TNFRSF11B: variants seen among roughly 807,000 people sequenced by gnomAD.
The protein encoded by TNFRSF11B is TNF receptor superfamily member 11b.
Under a neutral mutation model 43.4 loss-of-function variants are expected in TNFRSF11B, and 16 were observed. The ratio of observed to expected loss-of-function variants is 0.37; its 90% confidence interval spans 0.25 to 0.56. The LOEUF is 0.56. Ranked by LOEUF, TNFRSF11B falls within the 20% of genes least tolerant of loss-of-function variation. TNFRSF11B has a pLI of 0.80. For missense variants in TNFRSF11B, 444 were observed against 490.1 expected (o/e 0.91, Z 0.89); for synonymous variants, 185 against 181.8 (o/e 1.02, Z -0.14).
chr8:118,929,723 T>G (rs1212864933), intron 2 of TNFRSF11B, among the ~76,000 whole-genome samples: 1 of 152,164 alleles, frequency 6.6e-6, no homozygotes, highest in Non-Finnish European at 1.5e-5. Flanking sequence ...ATAAATACCT[T>G]CAAACACTTG....
intron 1 of TNFRSF11B, 85 bp from the exon 2 acceptor site, chr8:118,933,385 G>A: frequency 6.3e-7 from 1 of 1,580,382 alleles, no homozygotes; most frequent in Non-Finnish European, 8.6e-7. Flanking sequence ...TTGACTCAAA[G>A]TCCTGTATTA....
intron 2 of TNFRSF11B, among the ~76,000 whole-genome samples, chr8:118,931,542 C>T (rs904169528): frequency 1.3e-5 from 2 of 152,072 alleles, no homozygotes; most frequent in African/African-American, 4.8e-5. Context: ...GATTCCACAC[C>T]CCGCACCCTG....
chr8:118,942,744 T>C (rs1812505370), intron 1 of TNFRSF11B, among the ~76,000 whole-genome samples: 1 of 152,114 alleles, frequency 6.6e-6, no homozygotes, highest in South Asian at 2.1e-4. Flanking sequence ...TTTTCAAAGG[T>C]GTCAGAGCTA....
chr8:118,932,172 A>T (rs565177547), intron 2 of TNFRSF11B, among the ~76,000 whole-genome samples: 2 of 152,374 alleles, frequency 1.3e-5, no homozygotes, highest in South Asian at 4.1e-4. Flanking sequence ...ATGAAAAGTT[A>T]TAGGCTGCAC....
chr8:118,933,799 T>A (rs1812363859), intron 1 of TNFRSF11B, among the ~76,000 whole-genome samples: 1 of 152,196 alleles, frequency 6.6e-6, no homozygotes. Flanking sequence ...TTCTGACGCC[T>A]GGGATGCATA....
At position 118,932,959 on chromosome 8, in the gene TNFRSF11B, G is replaced by A; in HGVS notation, c.372C>T (p.Cys124=). ...EIEFCLKHRS[C]PPGFGVVQAG... Reference sequence around the variant, plus strand: ...CTTGCACCACTCCAAATCCAGGAGGGCAGCTCCTATGTTTCAAGCAGAACT... The same window carrying A: ...CTTGCACCACTCCAAATCCAGGAGGACAGCTCCTATGTTTCAAGCAGAACT... The change falls in exon 2 of 5, where the codon TGC becomes TGT. Residue 124 remains cysteine, a synonymous_variant. Transcript: ENST00000297350. 1 of 1,614,168 alleles carries A rather than the reference G, an allele frequency of 6.2e-7. No individual in the cohort carries two copies. Among genetic ancestry groups the A allele is most frequent in the Non-Finnish European group, 8.5e-7 (1 of 1,180,032 alleles).
At chr8:118,937,357 C>T (rs1430748501) in intron 1 of TNFRSF11B, among the ~76,000 whole-genome samples, 1 of 152,186 alleles carries the variant, frequency 6.6e-6, no homozygotes, top group African/African-American at 2.4e-5. Context: ...TGGAACCCCT[C>T]TTTATAGCAG....
At chr8:118,928,954 G>C (rs1364674490) in intron 2 of TNFRSF11B, 25 bp from the exon 3 acceptor site, 5 of 1,609,898 alleles carry the variant, frequency 3.1e-6, no homozygotes, top group African/African-American at 1.3e-5. Flanking sequence ...AAGCAATTTA[G>C]TACCTTCTCC....
intron 1 of TNFRSF11B, among the ~76,000 whole-genome samples, chr8:118,944,680 CTCTG>C (rs1324404101): frequency 8.6e-5 from 13 of 152,024 alleles, no homozygotes; most frequent in South Asian, 6.2e-4. Flanking sequence ...GTGCAGAGGT[CTCTG>C]TCTATCAGCC....
chr8:118,942,479 G>A (rs1214614563), intron 1 of TNFRSF11B, among the ~76,000 whole-genome samples: 1 of 151,918 alleles, frequency 6.6e-6, no homozygotes, highest in East Asian at 1.9e-4. Context: ...TAGAAGAAAT[G>A]GACTAAAACA....
chr8:118,946,278 A>G (rs184630656), intron 1 of TNFRSF11B, among the ~76,000 whole-genome samples: 9 of 152,250 alleles, frequency 5.9e-5, no homozygotes, highest in Admixed American at 3.3e-4. Flanking sequence ...CAGAACGTTC[A>G]TTTAGAGAGG....
intron 1 of TNFRSF11B, among the ~76,000 whole-genome samples, chr8:118,936,313 A>T (rs144852496): frequency 2.1e-4 from 32 of 152,364 alleles, no homozygotes; most frequent in African/African-American, 7.5e-4. Flanking sequence ...GAGAAATTAC[A>T]AACTTGTTTT....
chr8:118,936,262 C>T (rs948986271), intron 1 of TNFRSF11B, among the ~76,000 whole-genome samples: 8 of 152,092 alleles, frequency 5.3e-5, no homozygotes, highest in African/African-American at 9.7e-5. Context: ...AAGGCTATCA[C>T]GTGGAATAAT....
Position 118,933,258 on chromosome 8 carries a change from G to C in TNFRSF11B, c.73C>G (p.Pro25Ala). Reference sequence around the variant, plus strand: ...TCGTCATAATGAAGGTACTTTGGAGGAAACGTTTCCTGGGTGGTCCACTTA... The same window carrying C: ...TCGTCATAATGAAGGTACTTTGGAGCAAACGTTTCCTGGGTGGTCCACTTA... Reference protein sequence around the residue: ...SIKWTTQETFPPKYLHYDEET... With the variant: ...SIKWTTQETFAPKYLHYDEET... Residue 25 changes from proline to alanine, a missense_variant, in exon 2 of 5, where the codon CCT becomes GCT. Coordinates refer to ENST00000297350, the MANE Select transcript of TNFRSF11B (RefSeq NM_002546.4). The C allele has an allele frequency of 6.2e-7, 1 of 1,614,080 alleles. No homozygotes were observed.
chr8:118,937,229 TTTTC>T (rs1474421555), intron 1 of TNFRSF11B, among the ~76,000 whole-genome samples: 1 of 152,238 alleles, frequency 6.6e-6, no homozygotes, highest in Non-Finnish European at 1.5e-5. Context: ...CTCTAATGCC[TTTTC>T]TAGCTCTATC....
chr8:118,929,012 C>A, intron 2 of TNFRSF11B, 83 bp from the exon 3 acceptor site: 1 of 1,326,762 alleles, frequency 7.5e-7, no homozygotes, highest in African/African-American at 1.4e-5. Context: ...TTTGGAAAGA[C>A]TTTTCACTTG....
At chr8:118,927,235 A>AC (rs1420165768) in intron 3 of TNFRSF11B, among the ~76,000 whole-genome samples, 1 of 152,222 alleles carries the variant, frequency 6.6e-6, no homozygotes, top group Admixed American at 6.5e-5. Context: ...TAGGAAAATA[A>AC]CCAAACATAA....
intron 4 of TNFRSF11B, among the ~76,000 whole-genome samples, chr8:118,925,258 C>T (rs576580640): frequency 1.0e-3 from 152 of 152,186 alleles, no homozygotes; most frequent in Non-Finnish European, 2.0e-3. Context: ...GACATGAGGT[C>T]GAGGAACTAA....
chr8:118,942,200 T>C (rs989194138), intron 1 of TNFRSF11B, among the ~76,000 whole-genome samples: 4 of 149,354 alleles, frequency 2.7e-5, no homozygotes, highest in African/African-American at 1.0e-4. Flanking sequence ...GTATATCTCC[T>C]AATGCTATCC....
Sources: allele counts gnomAD v4.1 joint callset (sites outside exome capture counted in the v4.1 genomes callset), GRCh38; gene constraint gnomAD v4.1.1; transcripts MANE v1.5; gene names NCBI Gene and HGNC (gene_info 2026-07-23, HGNC 2026-07-21).